Variants in MAP3K13 observed in about 807,000 individuals in gnomAD.
MAP3K13 encodes the protein mitogen-activated protein kinase kinase kinase 13.
MAP3K13 carries 52 observed loss-of-function variants against 104.0 expected under a neutral mutation model. That is an observed-to-expected ratio of 0.50 (90% CI 0.40 to 0.63). The LOEUF (loss-of-function observed/expected upper bound fraction) is 0.63, where lower values mean the gene tolerates loss of function less well. Among genes scored for constraint, MAP3K13 ranks in the 20% least tolerant of loss-of-function variants. MAP3K13 has a pLI of 0.00. For missense variants in MAP3K13, 914 were observed against 1,218.5 expected (o/e 0.75, Z 3.72); for synonymous variants, 394 against 442.2 (o/e 0.89, Z 1.37).
chr3:185,455,259 TATATGAG>T (rs1411335639), intron 7 of MAP3K13, among the ~76,000 whole-genome samples: 10,811 of 25,896 alleles, frequency 0.42, 2,612 homozygotes, highest in Non-Finnish European at 0.54. Flanking sequence ...ATATATGAGA[TATATGAG>T]ATATATATGA....
At chr3:185,314,038 A>G (rs1193534561) in intron 2 of MAP3K13, among the ~76,000 whole-genome samples, 1 of 152,260 alleles carries the variant, frequency 6.6e-6, no homozygotes, top group Non-Finnish European at 1.5e-5. Context: ...ATCCAGATTC[A>G]GTCCTTGACC....
chr3:185,290,318 G>A (rs945413989), intron 2 of MAP3K13, among the ~76,000 whole-genome samples: 5 of 152,112 alleles, frequency 3.3e-5, no homozygotes, highest in African/African-American at 1.2e-4. Context: ...GAGTAAAGTT[G>A]TCAGAATCCT....
chr3:185,308,139 G>A (rs567892857), intron 2 of MAP3K13, among the ~76,000 whole-genome samples: 1 of 151,302 alleles, frequency 6.6e-6, no homozygotes, highest in South Asian at 2.1e-4. Flanking sequence ...CCAGTCTTCT[G>A]GACTGGCTTC....
At chr3:185,477,481 G>A in intron 12 of MAP3K13, 85 bp downstream of exon 12, 1 of 981,592 alleles carries the variant, frequency 1.0e-6, no homozygotes, top group East Asian at 2.4e-5. Flanking sequence ...TTCAACCACA[G>A]GTGATTCCCT....
intron 2 of MAP3K13, among the ~76,000 whole-genome samples, chr3:185,337,961 A>C: frequency 6.6e-6 from 1 of 152,202 alleles, no homozygotes; most frequent in East Asian, 1.9e-4. Flanking sequence ...TCATTCACTG[A>C]AAAATTGTAA....
At chr3:185,470,407 A>G (rs1238747289) in intron 10 of MAP3K13, among the ~76,000 whole-genome samples, 3 of 152,134 alleles carry the variant, frequency 2.0e-5, no homozygotes, top group African/African-American at 7.2e-5. Context: ...TTTGCACGTA[A>G]TCTTCACAAC....
chr3:185,421,452 C>A (rs1560097440), intron 1 of MAP3K13, among the ~76,000 whole-genome samples: 1 of 152,158 alleles, frequency 6.6e-6, no homozygotes, highest in Non-Finnish European at 1.5e-5. Context: ...CCTGCCTCAG[C>A]CTCCCAAAGT....
chr3:185,287,458 G>A (rs1000451746), intron 2 of MAP3K13, among the ~76,000 whole-genome samples: 1 of 152,088 alleles, frequency 6.6e-6, no homozygotes, highest in Non-Finnish European at 1.5e-5. Flanking sequence ...ACTTTGAATT[G>A]GCTGATTATC....
At chr3:185,285,772 AAG>A (rs1311008297) in intron 2 of MAP3K13, 12 of 679,832 alleles carry the variant, frequency 1.8e-5, no homozygotes, top group African/African-American at 3.6e-5. Flanking sequence ...GGACCTTCCA[AAG>A]AGAGGTTTGT....
At chr3:185,426,141 C>T (rs568655768) in intron 1 of MAP3K13, among the ~76,000 whole-genome samples, 30 of 152,164 alleles carry the variant, frequency 2.0e-4, no homozygotes, top group Middle Eastern at 3.4e-3. Context: ...AGTGTAGTAG[C>T]GCAATCTTGG....
At chr3:185,480,574 C>T (rs376673391) in intron 13 of MAP3K13, 45 bp downstream of exon 13, 8 of 1,582,408 alleles carry the variant, frequency 5.1e-6, no homozygotes, top group Non-Finnish European at 6.9e-6. Flanking sequence ...CCCTTTTTTG[C>T]TCTTTGGGGT....
At chr3:185,330,432 A>G (rs1474413514) in intron 2 of MAP3K13, among the ~76,000 whole-genome samples, 5 of 152,016 alleles carry the variant, frequency 3.3e-5, no homozygotes, top group African/African-American at 7.3e-5. Flanking sequence ...TAGGGCTACA[A>G]TGAACTGAAA....
chr3:185,397,808 A>G (rs936684613), intron 1 of MAP3K13, among the ~76,000 whole-genome samples: 2 of 152,134 alleles, frequency 1.3e-5, no homozygotes, highest in Non-Finnish European at 2.9e-5. Context: ...GACCGGAGCC[A>G]GGGGCTTTTT....
chr3:185,447,974 C>G, intron 5 of MAP3K13, 27 bp downstream of exon 5: 1 of 1,589,420 alleles, frequency 6.3e-7, no homozygotes, highest in Non-Finnish European at 8.6e-7. Flanking sequence ...GTTGTGCCAA[C>G]TAAAAAGCCT....
At chr3:185,340,322 C>T (rs868153290) in intron 2 of MAP3K13, among the ~76,000 whole-genome samples, 8 of 151,996 alleles carry the variant, frequency 5.3e-5, no homozygotes, top group Admixed American at 4.6e-4. Flanking sequence ...GGAAAAGAGG[C>T]GACAGGGCAC....
chr3:185,438,539 T>C (rs181893501), intron 3 of MAP3K13, among the ~76,000 whole-genome samples: 32 of 152,326 alleles, frequency 2.1e-4, no homozygotes, highest in African/African-American at 7.5e-4. Context: ...GAGTTATTGA[T>C]AGTAAGTCAT....
At chr3:185,321,065 C>A in intron 2 of MAP3K13, among the ~76,000 whole-genome samples, 1 of 151,028 alleles carries the variant, frequency 6.6e-6, no homozygotes. Context: ...CACATGCATG[C>A]ACACACATAT....
rs542887047 is a variant in MAP3K13, at chr3:185,415,844, A to C, written c.-85-12653A>C. The stretch of plus-strand genomic sequence containing the variant: ...GTGACCTGCCTGCCTCGACCTCCCA[A>C]AGTGCCGGGATTGCAGGTGTGAGCC... On this transcript the variant is annotated intron_variant, in intron 1 of 13. Transcript: ENST00000265026. Among the ~76,000 whole-genome samples the C allele has an allele frequency of 7.2e-5, 11 of 152,166 alleles. No homozygotes were observed. In the East Asian group the frequency reaches 1.2e-3, roughly 16 times the overall value.
rs188325846 is a variant in MAP3K13, at chr3:185,421,235, C to A, written c.-85-7262C>A. Among the ~76,000 whole-genome samples the A allele has an allele frequency of 1.1e-3, 167 of 151,830 alleles. 1 individual carries two copies. Among genetic ancestry groups the A allele is most frequent in the African/African-American group, 3.8e-3 (158 of 41,378 alleles). The stretch of plus-strand genomic sequence containing the variant: ...TCGAGGCGGAGTCTCCCTCTATTGC[C>A]CAGGCTGAAGTGCAGTGGCAGCATC... On this transcript the variant is annotated intron_variant, in intron 1 of 13. Coordinates refer to ENST00000265026, the MANE Select transcript of MAP3K13 (RefSeq NM_004721.5).
Sources: allele counts gnomAD v4.1 joint callset (sites outside exome capture counted in the v4.1 genomes callset), GRCh38; gene constraint gnomAD v4.1.1; transcripts MANE v1.5; gene names NCBI Gene and HGNC (gene_info 2026-07-23, HGNC 2026-07-21).